CAST: variants seen among roughly 807,000 people sequenced by gnomAD.
CAST encodes the protein MIR583 host.
CAST carries 76 observed loss-of-function variants against 119.6 expected under a neutral mutation model. That is an observed-to-expected ratio of 0.64 (90% CI 0.53 to 0.77). CAST has a LOEUF of 0.77. CAST is among the 30% of genes least tolerant of loss of function. The probability of loss-of-function intolerance (pLI) is 0.00; values close to 1 mark genes in which losing one functional copy is unlikely to be tolerated. For missense variants in CAST, 953 were observed against 946.5 expected (o/e 1.01, Z -0.09); for synonymous variants, 319 against 331.6 (o/e 0.96, Z 0.41).
the CAST span, among the ~76,000 whole-genome samples, chr5:96,383,200 A>T: frequency 6.6e-6 from 1 of 152,170 alleles, no homozygotes; most frequent in African/African-American, 2.4e-5. Context: ...TGAGGAAAGA[A>T]TTTATAAACT....
chr5:96,077,909 C>G, the CAST span, among the ~76,000 whole-genome samples: 4 of 152,348 alleles, frequency 2.6e-5, no homozygotes, highest in Middle Eastern at 3.4e-3. Context: ...CTGTAAGGAA[C>G]AGTACACTTT....
the CAST span, among the ~76,000 whole-genome samples, chr5:96,367,236 T>G: frequency 6.6e-6 from 1 of 152,150 alleles, no homozygotes; most frequent in Admixed American, 6.5e-5. Flanking sequence ...CTGCCCCTAC[T>G]GGGGGATGCC....
rs929184837 is a variant in CAST at position 96,555,994 on chromosome 5, T to A, written c.60+26114T>A. On this transcript the variant is annotated intron_variant, in intron 1 of 11. Coordinates refer to the CAST transcript ENST00000505143. ...CAGACTGACACCTCACATGGCTGGG[T>A]ACTCCTCTGAGACAAAACTTCCAGA... Among the ~76,000 whole-genome samples, 15 of 152,294 alleles carry A rather than the reference T, an allele frequency of 9.8e-5. No homozygotes were observed. In the East Asian group the frequency reaches 2.7e-3, roughly 27 times the overall value.
chr5:96,060,140 C>G, the CAST span, among the ~76,000 whole-genome samples: 1 of 152,044 alleles, frequency 6.6e-6, no homozygotes, highest in African/African-American at 2.4e-5. Flanking sequence ...CTTTTCTATC[C>G]CTAACAGGAA....
the CAST span, among the ~76,000 whole-genome samples, chr5:96,279,547 C>T: frequency 3.3e-5 from 5 of 152,080 alleles, no homozygotes; most frequent in Non-Finnish European, 7.4e-5. Flanking sequence ...TTCCAAACAA[C>T]GTATTTTTTA....
At chr5:96,562,257 A>G (rs536310290) in intron 1 of CAST, among the ~76,000 whole-genome samples, 12 of 152,190 alleles carry the variant, frequency 7.9e-5, no homozygotes, top group Non-Finnish European at 1.3e-4. Context: ...GACAACTGAG[A>G]AAAATATTTG....
intron 3 of CAST, among the ~76,000 whole-genome samples, chr5:96,716,998 T>A (rs1003627720): frequency 7.9e-5 from 12 of 152,230 alleles, no homozygotes; most frequent in Non-Finnish European, 1.3e-4. Flanking sequence ...TGTTCTTGAT[T>A]CCAGCTTAAA....
chr5:96,433,145 A>T, the CAST span: 2 of 1,083,002 alleles, frequency 1.8e-6, no homozygotes, highest in Admixed American at 1.7e-5. Context: ...CGGGCTCTAG[A>T]CCACTCCTGG....
chr5:96,393,140 T>C, the CAST span: 2 of 1,614,224 alleles, frequency 1.2e-6, no homozygotes, highest in Admixed American at 1.7e-5. Flanking sequence ...GGAAGGTTTG[T>C]TCAGCTTTTC....
chr5:96,348,228 A>G, the CAST span, among the ~76,000 whole-genome samples: 1 of 152,128 alleles, frequency 6.6e-6, no homozygotes, highest in Non-Finnish European at 1.5e-5. Context: ...AAAGCCAAGT[A>G]AAGAAAGGTA....
rs377450162 is a variant in CAST, at chr5:96,618,667, C to T, written c.61-56872C>T. 7.7e-4 allele frequency among the ~76,000 whole-genome samples: 117 copies of T among 152,326 alleles called. No homozygotes were observed. The Middle Eastern group carries it at 0.014, about 18-fold the overall frequency. ...CCTGGGCCAGCAGCTGTGGAGGGTG[C>T]GCTGGGTCCCCCAGCAGTGCCGGCT... On this transcript the variant is annotated intron_variant, in intron 1 of 11. Transcript: ENST00000505143.
chr5:96,245,700 A>T, the CAST span, among the ~76,000 whole-genome samples: 2 of 151,968 alleles, frequency 1.3e-5, no homozygotes, highest in African/African-American at 4.8e-5. Context: ...CTTTGGTTCT[A>T]CACATGCAGG....
At chr5:96,170,075 C>G in the CAST span, among the ~76,000 whole-genome samples, 2 of 152,170 alleles carry the variant, frequency 1.3e-5, no homozygotes, top group Non-Finnish European at 2.9e-5. Flanking sequence ...GACTTACCCT[C>G]CACTGTGAGA....
At chr5:96,556,200 C>T (rs973251648) in intron 1 of CAST, among the ~76,000 whole-genome samples, 11 of 152,076 alleles carry the variant, frequency 7.2e-5, no homozygotes, top group Non-Finnish European at 1.2e-4. Flanking sequence ...CACACCAAAA[C>T]CCCATCTGTA....
the CAST span, among the ~76,000 whole-genome samples, chr5:96,105,410 A>T: frequency 6.6e-6 from 1 of 152,232 alleles, no homozygotes; most frequent in Non-Finnish European, 1.5e-5. Flanking sequence ...AATGTGTCCC[A>T]TCAATACCTA....
chr5:96,585,294 C>T (rs939376349), intron 1 of CAST, among the ~76,000 whole-genome samples: 3 of 152,136 alleles, frequency 2.0e-5, no homozygotes, highest in Non-Finnish European at 4.4e-5. Context: ...TCTTAGTTGG[C>T]TTATTCCAGT....
At chr5:96,607,800 G>C (rs1747288484) in intron 1 of CAST, among the ~76,000 whole-genome samples, 1 of 152,094 alleles carries the variant, frequency 6.6e-6, no homozygotes, top group African/African-American at 2.4e-5. Context: ...GAATAGGTGG[G>C]CCTTTTTTTC....
intron 3 of CAST, among the ~76,000 whole-genome samples, chr5:96,701,351 C>G (rs1233393631): frequency 1.3e-5 from 2 of 152,240 alleles, no homozygotes; most frequent in Non-Finnish European, 2.9e-5. Flanking sequence ...GGGCCCATCC[C>G]TATGGGGTGT....
chr5:96,277,590 C>G, the CAST span, among the ~76,000 whole-genome samples: 1 of 151,642 alleles, frequency 6.6e-6, no homozygotes. Context: ...TTTTAAAAAC[C>G]AAAGGTAGTG....
Sources: allele counts gnomAD v4.1 joint callset (sites outside exome capture counted in the v4.1 genomes callset), GRCh38; gene constraint gnomAD v4.1.1; transcripts MANE v1.5; gene names NCBI Gene and HGNC (gene_info 2026-07-23, HGNC 2026-07-21).